The following GRM5 variants were observed in gnomAD, a reference collection of about 807,000 sequenced individuals.
GRM5 encodes the protein glutamate metabotropic receptor 5.
Under a neutral mutation model 83.1 loss-of-function variants are expected in GRM5, and 19 were observed. The ratio of observed to expected loss-of-function variants is 0.23; its 90% CI spans 0.16 to 0.34. GRM5 has a LOEUF of 0.34. Among genes scored for constraint, GRM5 ranks in the 10% least tolerant of loss-of-function variants. GRM5 has a pLI of 1.00. For missense variants in GRM5, 1,160 were observed against 1,588.3 expected (o/e 0.73, Z 4.58); for synonymous variants, 675 against 633.6 (o/e 1.07, Z -0.98).
At chr11:88,680,853 T>C (rs1940463775) in intron 3 of GRM5, among the ~76,000 whole-genome samples, 1 of 152,142 alleles carries the variant, frequency 6.6e-6, no homozygotes, top group Non-Finnish European at 1.5e-5. Context: ...AAGAATTACA[T>C]AAGGAATATG....
chr11:88,989,079 A>G, intron 2 of GRM5, among the ~76,000 whole-genome samples: 1 of 151,578 alleles, frequency 6.6e-6, no homozygotes, highest in African/African-American at 2.4e-5. Context: ...TTGGATGAAG[A>G]GTCAAGACCC....
intron 9 of GRM5, among the ~76,000 whole-genome samples, chr11:88,523,341 A>T (rs753987652): frequency 6.6e-6 from 1 of 152,150 alleles, no homozygotes; most frequent in Non-Finnish European, 1.5e-5. Context: ...TTAGACCTCA[A>T]ATTAGAAGTC....
At chr11:88,796,848 T>C (rs1565234993) in intron 3 of GRM5, among the ~76,000 whole-genome samples, 1 of 151,770 alleles carries the variant, frequency 6.6e-6, no homozygotes, top group East Asian at 1.9e-4. Context: ...AACAGGTGCC[T>C]GTATTTCTTT....
At chr11:89,056,273 T>TCA in intron 1 of GRM5, among the ~76,000 whole-genome samples, 1 of 152,184 alleles carries the variant, frequency 6.6e-6, no homozygotes, top group African/African-American at 2.4e-5. Context: ...CTCATTAACA[T>TCA]CATCAATTCT....
rs185457484 is a variant in GRM5, at chr11:88,730,920, T to C, written c.912-77517A>G. On this transcript the variant is annotated intron_variant, in intron 3 of 9. Coordinates refer to ENST00000305447, the MANE Select transcript of GRM5 (RefSeq NM_001143831.3). ...CATTAGGAGAAATACCTAATGTAGA[T>C]GATGGGTTGATGGGTGCAACAAACC... Among the ~76,000 whole-genome samples, 432 of 152,216 alleles carry C rather than the reference T, an allele frequency of 2.8e-3. 1 individual carries two copies. The highest frequency in any genetic ancestry group is 9.9e-3 in the African/African-American group (412 of 41,536).
chr11:89,022,490 A>G (rs962663648), intron 2 of GRM5, among the ~76,000 whole-genome samples: 16 of 151,374 alleles, frequency 1.1e-4, no homozygotes, highest in African/African-American at 3.6e-4. Context: ...AAAATACAAA[A>G]AAAAAAAAAA....
intron 8 of GRM5, among the ~76,000 whole-genome samples, chr11:88,535,454 T>C (rs1942112215): frequency 6.6e-6 from 1 of 152,174 alleles, no homozygotes; most frequent in Admixed American, 6.5e-5. Context: ...AAGCCAACAT[T>C]TCAAAAACTG....
intron 3 of GRM5, among the ~76,000 whole-genome samples, chr11:88,728,581 T>G (rs1286016228): frequency 6.6e-6 from 1 of 151,956 alleles, no homozygotes; most frequent in Non-Finnish European, 1.5e-5. Context: ...AAAAAGAAAA[T>G]TTCAGGCCAG....
At chr11:88,783,924 C>T (rs1054675112) in intron 3 of GRM5, among the ~76,000 whole-genome samples, 1 of 152,018 alleles carries the variant, frequency 6.6e-6, no homozygotes, top group African/African-American at 2.4e-5. Context: ...AATCTGCTAG[C>T]AGTGAGTCCT....
Position 88,967,190 on chromosome 11 carries a change from GAT to G in GRM5, c.661+80020_661+80021del, listed in dbSNP as rs1381523212. Among the ~76,000 whole-genome samples the G allele has an allele frequency of 9.8e-4, 145 of 147,598 alleles. 1 individual carries two copies. Among genetic ancestry groups the G allele is most frequent in the African/African-American group, 3.6e-3 (143 of 39,884 alleles). ...ACAATTTACCAAACTCACTAAAGAA[GAT>G]ATATGTGTGTGTGTGTGTGTGTATA... On this transcript the variant is annotated intron_variant, in intron 2 of 9. Transcript: ENST00000305447.
chr11:88,945,523 A>C (rs143840877), intron 2 of GRM5, among the ~76,000 whole-genome samples: 1 of 152,244 alleles, frequency 6.6e-6, no homozygotes. Flanking sequence ...CCAAAACAGC[A>C]TGGTACTTGT....
At chr11:88,850,807 G>A (rs1944377129) in intron 2 of GRM5, among the ~76,000 whole-genome samples, 2 of 151,926 alleles carry the variant, frequency 1.3e-5, no homozygotes, top group South Asian at 4.1e-4. Context: ...TTATTGATAA[G>A]GAAAAAAAGT....
intron 2 of GRM5, among the ~76,000 whole-genome samples, chr11:88,949,123 T>G (rs1446681157): frequency 6.6e-6 from 1 of 152,198 alleles, no homozygotes; most frequent in African/African-American, 2.4e-5. Flanking sequence ...GAACAAGCAG[T>G]TTCTGACCAC....
At chr11:88,536,773 T>A (rs1173435524) in intron 8 of GRM5, among the ~76,000 whole-genome samples, 4 of 152,192 alleles carry the variant, frequency 2.6e-5, no homozygotes, top group East Asian at 1.9e-4. Context: ...GCACATTGCA[T>A]CTTATTCTAC....
chr11:88,905,150 A>G lies in GRM5; in HGVS notation c.662-54995T>C, dbSNP rs181299116. On this transcript the variant is annotated intron_variant, in intron 2 of 9. Coordinates refer to ENST00000305447, the MANE Select transcript of GRM5 (RefSeq NM_001143831.3). ...TAAGTAAAGAATATTACCCTTACAG[A>G]TAAGTCACTCTCACTGGAGAGAAGA... 7.4e-3 allele frequency among the ~76,000 whole-genome samples: 1,123 copies of G among 152,246 alleles called. 24 individuals are homozygous for G. The highest frequency in any genetic ancestry group is 5.8e-3 in the Non-Finnish European group (394 of 68,018).
At chr11:88,933,610 C>G (rs1937792280) in intron 2 of GRM5, among the ~76,000 whole-genome samples, 2 of 151,740 alleles carry the variant, frequency 1.3e-5, no homozygotes, top group South Asian at 4.1e-4. Flanking sequence ...CTTGTAAGAC[C>G]TATTTCGTTT....
chr11:88,617,054 A>T (rs1016455984), intron 4 of GRM5, among the ~76,000 whole-genome samples: 4 of 152,228 alleles, frequency 2.6e-5, no homozygotes, highest in Non-Finnish European at 5.9e-5. Flanking sequence ...AACAGGTCTC[A>T]TTCTCAGATT....
chr11:88,682,070 T>C (rs563608121), intron 3 of GRM5, among the ~76,000 whole-genome samples: 2 of 152,278 alleles, frequency 1.3e-5, no homozygotes, highest in Non-Finnish European at 2.9e-5. Context: ...AAAATTATGG[T>C]TACTGTTTGA....
At chr11:88,701,710 C>A (rs1447918617) in intron 3 of GRM5, among the ~76,000 whole-genome samples, 1 of 152,066 alleles carries the variant, frequency 6.6e-6, no homozygotes, top group Non-Finnish European at 1.5e-5. Flanking sequence ...AAAGGTAGAA[C>A]ATCTTGAAGC....
Sources: gnomAD v4.1 joint callset for allele counts (sites outside exome capture counted in the v4.1 genomes callset) on GRCh38, gnomAD v4.1.1 for gene constraint, MANE v1.5 for transcripts, NCBI Gene and HGNC (gene_info 2026-07-23, HGNC 2026-07-21) for gene names.